MAST4: variants seen among roughly 807,000 people sequenced by gnomAD.
MAST4 encodes the protein microtubule-associated serine/threonine-protein kinase 4.
In MAST4, 89 loss-of-function variants were observed where a neutral mutation model predicts 162.7. The observed-to-expected ratio is 0.55, with a 90% CI of 0.46 to 0.65. The LOEUF (loss-of-function observed/expected upper bound fraction) is 0.65. MAST4 is among the 30% of genes least tolerant of loss of function. The pLI, the probability that MAST4 is intolerant of heterozygous loss-of-function variation, is 0.00. For synonymous variants in MAST4, 1,479 were observed against 1,361.1 expected, an observed-to-expected ratio of 1.09 and a Z score of -1.91; for missense variants, 3,153 against 3,374.0, an observed-to-expected ratio of 0.93 and a Z score of 1.62.
At chr5:66,971,426 G>A (rs944315449) in intron 4 of MAST4, among the ~76,000 whole-genome samples, 30 of 152,126 alleles carry the variant, frequency 2.0e-4, no homozygotes, top group African/African-American at 7.0e-4. Flanking sequence ...TCACCATTGC[G>A]GTGTTATTCA....
intron 1 of MAST4, among the ~76,000 whole-genome samples, chr5:66,737,821 C>A (rs1415180765): frequency 6.6e-6 from 1 of 152,072 alleles, no homozygotes; most frequent in African/African-American, 2.4e-5. Flanking sequence ...TCCTTAGGAC[C>A]GCTTGAGGCA....
intron 3 of MAST4, among the ~76,000 whole-genome samples, chr5:66,897,883 G>A (rs896343484): frequency 1.3e-5 from 2 of 152,160 alleles, no homozygotes; most frequent in Non-Finnish European, 2.9e-5. Context: ...TTTTCTCAGA[G>A]CAAAGCAGCC....
intron 4 of MAST4, among the ~76,000 whole-genome samples, chr5:66,945,350 G>A (rs532134355): frequency 4.6e-5 from 7 of 152,134 alleles, no homozygotes; most frequent in African/African-American, 9.6e-5. Context: ...TTCACATTCC[G>A]GGGTTGTTTA....
At position 66,950,790 on chromosome 5, in the gene MAST4, T is replaced by C. The variant is rs951383387; in HGVS notation, c.674+50808T>C. Among the ~76,000 whole-genome samples, 5 of 152,182 alleles carry C rather than the reference T, an allele frequency of 3.3e-5. No individual in the cohort carries two copies. The East Asian group carries it at 7.7e-4, about 23-fold the overall frequency. On this transcript the variant is annotated intron_variant, in intron 4 of 28. Coordinates refer to ENST00000403625, the MANE Select transcript of MAST4 (RefSeq NM_001164664.2). ...GAGTTCCTGCCTCCATTACTTTGGGTATATACCCAGAAGTGGAATTGCCAG... is the reference window on the plus strand; with the variant it reads ...GAGTTCCTGCCTCCATTACTTTGGGCATATACCCAGAAGTGGAATTGCCAG...
In MAST4 at chr5:67,163,644, C is replaced by T; in HGVS notation, c.4465C>T (p.Leu1489=). The T allele has an allele frequency of 6.2e-7, 1 of 1,607,928 alleles. No individual in the cohort carries two copies. The change falls in exon 29 of 29, where the codon CTG becomes TTG. Residue 1489 remains leucine, a synonymous_variant. Coordinates refer to ENST00000403625, the MANE Select transcript of MAST4 (RefSeq NM_001164664.2). The surrounding 1 kb of genome is among the most constrained non-coding windows in gnomAD (Gnocchi z 7.0). ...QSQREAPLQS[L]DENVCDVPPL... ...CCAGCGGGAGGCGCCGCTGCAGAGC[C>T]TGGATGAGAACGTGTGCGACGTGCC...
intron 1 of MAST4, among the ~76,000 whole-genome samples, chr5:66,641,871 T>C (rs1406449347): frequency 6.6e-6 from 1 of 152,226 alleles, no homozygotes; most frequent in Non-Finnish European, 1.5e-5. Context: ...AGGATTGGCT[T>C]GTTACTTTGA....
intron 1 of MAST4, among the ~76,000 whole-genome samples, chr5:66,737,664 G>T (rs1232870573): frequency 6.6e-6 from 1 of 152,060 alleles, no homozygotes; most frequent in Non-Finnish European, 1.5e-5. Flanking sequence ...ATCCTTTGAG[G>T]TCCTGTGCTT....
intron 4 of MAST4, among the ~76,000 whole-genome samples, chr5:66,964,658 G>A (rs1341349374): frequency 2.0e-5 from 3 of 152,078 alleles, no homozygotes; most frequent in Non-Finnish European, 2.9e-5. Context: ...AAAATTAGCC[G>A]GGCGTGGTGG....
At chr5:67,104,600 T>G in intron 10 of MAST4, 25 bp downstream of exon 10, 1 of 1,585,918 alleles carries the variant, frequency 6.3e-7, no homozygotes, top group Non-Finnish European at 8.6e-7. Flanking sequence ...CCATATAGTT[T>G]TCTGATTTAT....
intron 26 of MAST4, among the ~76,000 whole-genome samples, chr5:67,154,847 C>G (rs1167814476): frequency 6.6e-6 from 1 of 152,242 alleles, no homozygotes; most frequent in Non-Finnish European, 1.5e-5. Context: ...ACTGTGTAAT[C>G]ATGCAGCTTC....
At chr5:67,122,495 C>G (rs777563472) in intron 14 of MAST4, among the ~76,000 whole-genome samples, 2 of 152,166 alleles carry the variant, frequency 1.3e-5, no homozygotes, top group African/African-American at 2.4e-5. Flanking sequence ...TGAAACTTTT[C>G]TACCTAGGAA....
At chr5:66,699,366 T>G (rs1397500056) in intron 1 of MAST4, among the ~76,000 whole-genome samples, 1 of 152,214 alleles carries the variant, frequency 6.6e-6, no homozygotes, top group Non-Finnish European at 1.5e-5. Flanking sequence ...TTGCCCTATT[T>G]TATTTTTTCT....
intron 3 of MAST4, among the ~76,000 whole-genome samples, chr5:66,860,584 T>A (rs1760026817): frequency 6.6e-6 from 1 of 151,008 alleles, no homozygotes; most frequent in Non-Finnish European, 1.5e-5. Context: ...TTAGCACATT[T>A]TTCTTGGCAA....
intron 1 of MAST4, among the ~76,000 whole-genome samples, chr5:66,718,323 A>T (rs1350997569): frequency 6.6e-6 from 1 of 151,418 alleles, no homozygotes; most frequent in Non-Finnish European, 1.5e-5. Context: ...TGATTAAGTT[A>T]TGATGTCATC....
chr5:66,979,918 T>C (rs777159688), intron 4 of MAST4, among the ~76,000 whole-genome samples: 12 of 152,254 alleles, frequency 7.9e-5, no homozygotes, highest in Non-Finnish European at 1.3e-4. Context: ...ACAGTTGTTA[T>C]GGATCTGACC....
chr5:66,873,443 A>G (rs182189977), intron 3 of MAST4, among the ~76,000 whole-genome samples: 38 of 152,338 alleles, frequency 2.5e-4, no homozygotes, highest in African/African-American at 8.9e-4. Context: ...ACAGGTTCCT[A>G]TATTCTGGGG....
chr5:67,053,604 T>C (rs1758440240), intron 4 of MAST4, among the ~76,000 whole-genome samples: 1 of 152,254 alleles, frequency 6.6e-6, no homozygotes, highest in Admixed American at 6.5e-5. Context: ...TAATATCCAC[T>C]TCACCCATCC....
intron 24 of MAST4, 104 bp downstream of exon 24, chr5:67,149,693 A>G (rs1344829515): frequency 1.8e-6 from 2 of 1,136,640 alleles, no homozygotes; most frequent in African/African-American, 3.1e-5. Context: ...TGCTTGAAGT[A>G]ATAACGGGTC....
chr5:67,032,354 T>G (rs998285523), intron 4 of MAST4, among the ~76,000 whole-genome samples: 3 of 152,124 alleles, frequency 2.0e-5, no homozygotes, highest in Non-Finnish European at 4.4e-5. Flanking sequence ...CCCACCCACG[T>G]TTTTTGCAAA....
Sources: allele counts gnomAD v4.1 joint callset (sites outside exome capture counted in the v4.1 genomes callset), GRCh38; gene constraint gnomAD v4.1.1; non-coding constraint Gnocchi (gnomAD v3.1); transcripts MANE v1.5; gene names NCBI Gene and HGNC (gene_info 2026-07-23, HGNC 2026-07-21).